The following CHM variants were observed in gnomAD, a reference collection of about 807,000 sequenced individuals.
The protein encoded by CHM is rab proteins geranylgeranyltransferase component A 1.
In CHM, 10 loss-of-function variants were observed where a neutral mutation model predicts 49.0. The ratio of observed to expected loss-of-function variants is 0.20; its 90% CI spans 0.13 to 0.35. The LOEUF (loss-of-function observed/expected upper bound fraction) is 0.35. Among genes scored for constraint, CHM ranks in the 10% least tolerant of loss-of-function variants. CHM has a pLI of 1.00. For missense variants in CHM, 455 were observed against 478.4 expected (o/e 0.95, Z 0.46); for synonymous variants, 184 against 167.5 (o/e 1.10, Z -0.76).
chrX:86,027,889 G>A (rs918918429), intron 1 of CHM, among the ~76,000 whole-genome samples: 2 of 110,161 alleles, frequency 1.8e-5, no homozygotes, highest in Non-Finnish European at 3.8e-5. Context: ...TCAGCCTCCC[G>A]AGTAGCTGGG....
intron 2 of CHM, among the ~76,000 whole-genome samples, chrX:86,010,581 T>G (rs1383094303): frequency 1.8e-5 from 2 of 111,002 alleles, no homozygotes; most frequent in Non-Finnish European, 3.8e-5. Context: ...TGTTTTCAAT[T>G]TAATAAAACG....
In CHM at chrX:85,884,107, T is replaced by C. The variant is rs1275750990; in HGVS notation, c.1511-5044A>G. Among the ~76,000 whole-genome samples, 4 of 111,046 alleles carry C rather than the reference T, an allele frequency of 3.6e-5. No homozygotes were observed. In the East Asian group the frequency reaches 1.1e-3, roughly 31 times the overall value. The stretch of plus-strand genomic sequence containing the variant: ...AATATATTGGGTATGTCCTGAAAGA[T>C]GAACTCTGTGAAAAAAAATATGGCT... On this transcript the variant is annotated intron_variant, in intron 12 of 14. Transcript: ENST00000357749.
intron 8 of CHM, among the ~76,000 whole-genome samples, chrX:85,930,275 C>T (rs982492608): frequency 2.7e-5 from 3 of 110,994 alleles, no homozygotes; most frequent in African/African-American, 9.8e-5. Flanking sequence ...ACATGAACCA[C>T]TCCTACTCTC....
intron 1 of CHM, among the ~76,000 whole-genome samples, chrX:86,042,392 G>A (rs1934499829): frequency 9.0e-6 from 1 of 111,231 alleles, no homozygotes; most frequent in African/African-American, 3.3e-5. Context: ...GTACAAGCAT[G>A]GTACAGGCAT....
At chrX:85,922,998 C>A (rs1156278483) in intron 8 of CHM, among the ~76,000 whole-genome samples, 1 of 111,887 alleles carries the variant, frequency 8.9e-6, no homozygotes, top group Non-Finnish European at 1.9e-5. Flanking sequence ...AAGCAGTGAT[C>A]ACCAAAATCA....
chrX:85,994,206 T>C (rs1201101861), intron 2 of CHM, among the ~76,000 whole-genome samples: 1 of 112,380 alleles, frequency 8.9e-6, no homozygotes, highest in Non-Finnish European at 1.9e-5. Flanking sequence ...CAGAAGTTAC[T>C]CTAAAACTCA....
chrX:85,965,916 A>G (rs1423203040), intron 4 of CHM, among the ~76,000 whole-genome samples: 1 of 112,034 alleles, frequency 8.9e-6, no homozygotes, highest in Non-Finnish European at 1.9e-5. Flanking sequence ...ACACTTGGCA[A>G]GTCATTTAAT....
At chrX:86,021,135 T>C (rs978021706) in intron 2 of CHM, among the ~76,000 whole-genome samples, 2 of 28,514 alleles carry the variant, frequency 7.0e-5, no homozygotes, top group Non-Finnish European at 1.4e-4. Flanking sequence ...CGTATATATA[T>C]ATATATATAT....
In CHM at chrX:85,862,242, A is replaced by G; in HGVS notation, c.*2388T>C. 8.9e-6 allele frequency: 1 copy of G among 112,378 alleles called. No homozygotes were observed. The highest frequency in any genetic ancestry group is 1.9e-5 in the Non-Finnish European group (1 of 53,225). 9.3% of individuals were successfully genotyped at this position (112,378 alleles called of 1,213,427 possible). A position where few individuals can be genotyped will look rare whatever the true frequency, so the allele number is the denominator to read the frequency against. ...GTTCTACATATAGGTGGCTGCAGTA[A>G]GGCCAATAGAATTTTTGTGGTTATT... On this transcript the variant is annotated 3_prime_UTR_variant, in exon 15 of 15. Transcript: ENST00000357749.
chrX:86,016,043 G>C (rs1210883729), intron 2 of CHM, among the ~76,000 whole-genome samples: 1 of 110,753 alleles, frequency 9.0e-6, no homozygotes, highest in Non-Finnish European at 1.9e-5. Flanking sequence ...TAAGGCACAA[G>C]AACCACTTGA....
chrX:85,917,021 C>T (rs5968715), intron 8 of CHM, among the ~76,000 whole-genome samples: 26,904 of 111,254 alleles, frequency 0.24, 2,395 homozygotes, highest in Middle Eastern at 0.27. Context: ...CTCTTCACAA[C>T]GGCAAAGACA....
At chrX:85,932,653 A>C (rs1928504444) in intron 8 of CHM, among the ~76,000 whole-genome samples, 1 of 112,169 alleles carries the variant, frequency 8.9e-6, no homozygotes, top group African/African-American at 3.2e-5. Context: ...CATTTCAAAC[A>C]TTAAAACTTT....
At chrX:86,028,830 C>G (rs2147793082) in intron 1 of CHM, among the ~76,000 whole-genome samples, 1 of 111,190 alleles carries the variant, frequency 9.0e-6, no homozygotes, top group South Asian at 3.8e-4. Context: ...ACATCCTGAT[C>G]CTCTCGTGTT....
chrX:85,869,714 T>C (rs1923929991), intron 14 of CHM, among the ~76,000 whole-genome samples: 1 of 112,236 alleles, frequency 8.9e-6, no homozygotes, highest in Non-Finnish European at 1.9e-5. Flanking sequence ...CTTCTTGGTC[T>C]GCTGCATTTT....
At chrX:86,015,736 G>C (rs1933271493) in intron 2 of CHM, among the ~76,000 whole-genome samples, 1 of 112,472 alleles carries the variant, frequency 8.9e-6, no homozygotes, top group South Asian at 3.7e-4. Flanking sequence ...CAAAGAGACT[G>C]GTGGCATTTT....
At chrX:85,933,068 G>C (rs1263225723) in intron 8 of CHM, among the ~76,000 whole-genome samples, 1 of 110,856 alleles carries the variant, frequency 9.0e-6, no homozygotes, top group Non-Finnish European at 1.9e-5. Context: ...CTCAAAGCCA[G>C]GCACAGTGGT....
At chrX:85,911,776 A>C (rs1036415188) in intron 8 of CHM, among the ~76,000 whole-genome samples, 2 of 111,728 alleles carry the variant, frequency 1.8e-5, no homozygotes, top group Non-Finnish European at 3.8e-5. Context: ...CAATAAATGT[A>C]AACAAAATCT....
intron 8 of CHM, among the ~76,000 whole-genome samples, chrX:85,946,792 G>C (rs1332402583): frequency 8.9e-6 from 1 of 111,781 alleles, no homozygotes; most frequent in Admixed American, 9.4e-5. Context: ...CCAGGCCCCA[G>C]AATGGTAGAG....
intron 3 of CHM, among the ~76,000 whole-genome samples, chrX:85,980,654 G>A (rs1024122670): frequency 1.7e-4 from 19 of 111,890 alleles, no homozygotes; most frequent in African/African-American, 5.5e-4. Flanking sequence ...TTGCGATACA[G>A]CAGTTTCTGA....
Sources: allele counts gnomAD v4.1 joint callset (sites outside exome capture counted in the v4.1 genomes callset), GRCh38; gene constraint gnomAD v4.1.1; transcripts MANE v1.5; gene names NCBI Gene and HGNC (gene_info 2026-07-23, HGNC 2026-07-21).